STARD9: variants seen among roughly 807,000 people sequenced by gnomAD.
The protein encoded by STARD9 is stAR-related lipid transfer protein 9.
In STARD9, 346 loss-of-function variants were observed where a neutral mutation model predicts 399.8. The ratio of observed to expected loss-of-function variants is 0.87; its 90% CI spans 0.79 to 0.95. STARD9 has a LOEUF of 0.95. Ranked by LOEUF, STARD9 falls within the 40% of genes least tolerant of loss-of-function variation. The pLI is 0.00. For synonymous variants in STARD9, 2,203 were observed against 2,143.5 expected (o/e 1.03, Z -0.77); for missense variants, 5,832 against 5,667.5 (o/e 1.03, Z -0.93).
At chr15:42,699,029 A>T (rs1185743663) in intron 26 of STARD9, among the ~76,000 whole-genome samples, 1 of 150,962 alleles carries the variant, frequency 6.6e-6, no homozygotes, top group East Asian at 1.9e-4. Context: ...TATTAAAAAA[A>T]ATTGTCTTAT....
chr15:42,583,742 A>G (rs915503262), intron 2 of STARD9, among the ~76,000 whole-genome samples: 4 of 152,250 alleles, frequency 2.6e-5, no homozygotes, highest in Admixed American at 1.3e-4. Flanking sequence ...TCCATATTCT[A>G]TTTAACTCAC....
chr15:42,717,069 A>G, intron 28 of STARD9, 21 bp downstream of exon 28: 1 of 1,536,866 alleles, frequency 6.5e-7, no homozygotes, highest in Non-Finnish European at 8.7e-7. Flanking sequence ...GCTCCCACCC[A>G]TCCCTACCAT....
intron 26 of STARD9, among the ~76,000 whole-genome samples, chr15:42,716,034 A>G (rs2061343137): frequency 1.3e-5 from 2 of 152,042 alleles, no homozygotes; most frequent in African/African-American, 4.8e-5. Flanking sequence ...CTTTATTGTG[A>G]TCAGAGTAGC....
At position 42,674,581 on chromosome 15, in the gene STARD9, G is replaced by T. The variant is rs2060271224; in HGVS notation, c.1549+90G>T. The T allele has an allele frequency of 2.3e-6, 3 of 1,326,186 alleles. No homozygotes were observed. The African/African-American group carries it at 4.4e-5, about 19-fold the overall frequency. The allele number at this position is 1,326,186 out of a possible 1,614,324, so 82.2% of individuals were successfully genotyped here. On this transcript the variant is annotated intron_variant, in intron 17 of 32. Coordinates refer to ENST00000290607, the MANE Select transcript of STARD9 (RefSeq NM_020759.3). ...GAGGACTTTGATGATGCTCTGAGAAGAAGGGAATCATTGGCGTATTCAGGG... is the reference window on the plus strand; with the variant it reads ...GAGGACTTTGATGATGCTCTGAGAATAAGGGAATCATTGGCGTATTCAGGG...
chr15:42,686,417 G>A lies in STARD9; in HGVS notation c.4839G>A (p.Ala1613=), dbSNP rs776783782. ...CACAGGTCTTTGCAACAGAGAACGC[G>A]ATACCAGATTCCATGACAGAAGCAT... The part of the protein sequence containing the change: ...TNAQVFATEN[A]IPDSMTEACE... Residue 1613 remains alanine, a synonymous_variant, in exon 23 of 33, where the codon GCG becomes GCA. Transcript: ENST00000290607. 1.4e-5 allele frequency: 22 copies of A among 1,537,570 alleles called. No individual in the cohort carries two copies. In the South Asian group the frequency reaches 1.5e-4, roughly 11 times the overall value.
At chr15:42,593,742 C>T (rs2058448089) in intron 3 of STARD9, among the ~76,000 whole-genome samples, 1 of 134,094 alleles carries the variant, frequency 7.5e-6, no homozygotes, top group Non-Finnish European at 1.5e-5. Flanking sequence ...CGGCTCACTG[C>T]AAGCTCTGCC....
intron 7 of STARD9, 79 bp downstream of exon 7, chr15:42,638,891 C>A: frequency 1.3e-6 from 1 of 778,366 alleles, no homozygotes; most frequent in African/African-American, 1.7e-5. Context: ...ATTCATTGAA[C>A]ATAGGTGTAA....
At chr15:42,579,140 G>A (rs375469449) in intron 1 of STARD9, among the ~76,000 whole-genome samples, 1 of 152,172 alleles carries the variant, frequency 6.6e-6, no homozygotes. Flanking sequence ...AGTCCCAGGA[G>A]AGGTAGGTGG....
In STARD9 at chr15:42,685,962, G is replaced by T; in HGVS notation, c.4384G>T (p.Val1462Leu). 1 of 1,537,176 alleles carries T rather than the reference G, an allele frequency of 6.5e-7. No individual in the cohort carries two copies. The highest frequency in any genetic ancestry group is 8.7e-7 in the Non-Finnish European group (1 of 1,146,908). Residue 1462 changes from valine (V) to leucine (L), a missense_variant, in exon 23 of 33, where the codon GTA (valine) becomes TTA (leucine). By Grantham distance (32) the Val-to-Leu change is conservative (BLOSUM62 1). Transcript: ENST00000290607. ...CTCTGAAGCATCCCACAATTCTAGC[G>T]TATCAAACGTGCTGGCTGCCTCTGC... ...GSSEASHNSS[V>L]SNVLAASATT...
chr15:42,664,064 T>C (rs1030068037), intron 13 of STARD9, 147 bp downstream of exon 13: 8 of 615,850 alleles, frequency 1.3e-5, no homozygotes, highest in African/African-American at 5.5e-5. Context: ...TTCTTTCTTG[T>C]ACTGTCATCT....
intron 1 of STARD9, among the ~76,000 whole-genome samples, chr15:42,577,690 G>C (rs1320988774): frequency 6.6e-6 from 1 of 152,240 alleles, no homozygotes; most frequent in Non-Finnish European, 1.5e-5. Flanking sequence ...AGCAGATACA[G>C]ATAAACCCAG....
chr15:42,614,799 T>C (rs1383570141), intron 3 of STARD9, among the ~76,000 whole-genome samples: 1 of 151,892 alleles, frequency 6.6e-6, no homozygotes, highest in Non-Finnish European at 1.5e-5. Context: ...ACCCCGTCTC[T>C]ACTAAAAATA....
At chr15:42,673,980 T>G (rs1227034386) in intron 16 of STARD9, 1 of 456,584 alleles carries the variant, frequency 2.2e-6, no homozygotes, top group Non-Finnish European at 4.4e-6. Context: ...ATCCTGTGTT[T>G]CCATAAATCT....
chr15:42,616,890 C>CAAAA (rs565991513), intron 3 of STARD9, among the ~76,000 whole-genome samples: 1 of 57,186 alleles, frequency 1.7e-5, no homozygotes, highest in African/African-American at 5.0e-5. Flanking sequence ...GACTTCCTCT[C>CAAAA]AAAAAAAAAA....
At chr15:42,628,090 G>A (rs2059261075) in intron 3 of STARD9, among the ~76,000 whole-genome samples, 1 of 152,024 alleles carries the variant, frequency 6.6e-6, no homozygotes, top group Non-Finnish European at 1.5e-5. Flanking sequence ...ATCCTCACCA[G>A]CATTCATTAT....
At chr15:42,683,122 A>G (rs1188532661) in intron 22 of STARD9, among the ~76,000 whole-genome samples, 3 of 152,206 alleles carry the variant, frequency 2.0e-5, no homozygotes, top group African/African-American at 7.2e-5. Flanking sequence ...ATTATCTCCC[A>G]GACTCCTTGG....
At chr15:42,658,576 G>A (rs1233441767) in intron 9 of STARD9, among the ~76,000 whole-genome samples, 1 of 151,042 alleles carries the variant, frequency 6.6e-6, no homozygotes, top group Non-Finnish European at 1.5e-5. Flanking sequence ...TCCACCTCCC[G>A]GGTTCAAGTG....
At chr15:42,634,823 A>G in intron 3 of STARD9, 33 bp from the exon 4 acceptor site, 6 of 1,097,394 alleles carry the variant, frequency 5.5e-6, no homozygotes, top group Non-Finnish European at 6.6e-6. Context: ...AAGAAGGACC[A>G]CAGTGATATT....
At chr15:42,650,199 TA>T (rs2141986318) in intron 7 of STARD9, among the ~76,000 whole-genome samples, 1 of 152,280 alleles carries the variant, frequency 6.6e-6, no homozygotes, top group East Asian at 1.9e-4. Flanking sequence ...GTAGCTTCAG[TA>T]TCTGGGTCTT....
Sources: gnomAD v4.1 joint callset for allele counts (sites outside exome capture counted in the v4.1 genomes callset) on GRCh38, gnomAD v4.1.1 for gene constraint, MANE v1.5 for transcripts, NCBI Gene and HGNC (gene_info 2026-07-23, HGNC 2026-07-21) for gene names.